Variants in MGAT5 observed in about 807,000 individuals in gnomAD.
MGAT5 encodes alpha-1,6-mannosylglycoprotein 6-beta-N-acetylglucosaminyltransferase A.
In MGAT5, 30 loss-of-function variants were observed where a neutral mutation model predicts 94.3. The ratio of observed to expected loss-of-function variants is 0.32; its 90% CI spans 0.24 to 0.43. The LOEUF (loss-of-function observed/expected upper bound fraction) is 0.43, where lower values mean the gene tolerates loss of function less well. Ranked by LOEUF, MGAT5 falls within the 20% of genes least tolerant of loss-of-function variation. The pLI is 1.00. For missense variants in MGAT5, 691 were observed against 905.5 expected (o/e 0.76, Z 3.04); for synonymous variants, 310 against 322.9 (o/e 0.96, Z 0.43).
chr2:134,362,489 C>T, intron 10 of MGAT5, 81 bp downstream of exon 10: 1 of 1,520,912 alleles, frequency 6.6e-7, no homozygotes, highest in Non-Finnish European at 9.0e-7. Context: ...AGGGAATAAT[C>T]AAGCCAAGTG....
intron 14 of MGAT5, among the ~76,000 whole-genome samples, chr2:134,438,495 A>G (rs1685297740): frequency 1.3e-5 from 2 of 152,206 alleles, no homozygotes; most frequent in Admixed American, 6.5e-5. Flanking sequence ...CTGTCTGATG[A>G]CAGCTGTCCC....
At chr2:134,192,999 G>A (rs1342652452) in intron 1 of MGAT5, among the ~76,000 whole-genome samples, 2 of 152,004 alleles carry the variant, frequency 1.3e-5, no homozygotes, top group Non-Finnish European at 1.5e-5. Flanking sequence ...TGGTTTTCCA[G>A]TATTTAATAA....
chr2:134,320,773 G>A (rs74487243), intron 4 of MGAT5, among the ~76,000 whole-genome samples: 3,373 of 152,232 alleles, frequency 0.022, 127 homozygotes, highest in African/African-American at 0.076. Context: ...CTTTGCCATA[G>A]GGTGATGGGG....
chr2:134,274,243 A>G (rs1420550687), intron 2 of MGAT5, among the ~76,000 whole-genome samples: 2 of 152,248 alleles, frequency 1.3e-5, no homozygotes, highest in African/African-American at 4.8e-5. Flanking sequence ...TATTGCTCAC[A>G]TGGATTGGTT....
chr2:134,363,356 C>T (rs1278574491), intron 10 of MGAT5, among the ~76,000 whole-genome samples: 1 of 152,174 alleles, frequency 6.6e-6, no homozygotes, highest in East Asian at 1.9e-4. Context: ...AAAGGAAAAG[C>T]AGTGCCCTAC....
chr2:134,239,822 C>T (rs983963568), intron 1 of MGAT5, among the ~76,000 whole-genome samples: 9 of 151,960 alleles, frequency 5.9e-5, no homozygotes, highest in African/African-American at 1.9e-4. Flanking sequence ...GATAAAAATA[C>T]ATTTACCATT....
At chr2:134,393,491 A>G (rs1034341509) in intron 10 of MGAT5, among the ~76,000 whole-genome samples, 14 of 152,128 alleles carry the variant, frequency 9.2e-5, no homozygotes, top group African/African-American at 2.9e-4. Context: ...TATTATAACA[A>G]TGAGAGCTTC....
chr2:134,290,680 T>C (rs939110728), intron 2 of MGAT5, among the ~76,000 whole-genome samples: 13 of 152,216 alleles, frequency 8.5e-5, no homozygotes, highest in Non-Finnish European at 1.8e-4. Flanking sequence ...CACAGTTGAT[T>C]GCTGTGACAG....
chr2:134,359,471 C>T (rs1427884335), intron 9 of MGAT5, among the ~76,000 whole-genome samples: 1 of 152,200 alleles, frequency 6.6e-6, no homozygotes, highest in Non-Finnish European at 1.5e-5. Context: ...ATGGAAGAGT[C>T]ACTATAATGC....
intron 2 of MGAT5, among the ~76,000 whole-genome samples, chr2:134,287,399 GAGAGTTTTTCTTTTTC>G (rs1322546176): frequency 2.6e-5 from 4 of 152,144 alleles, no homozygotes; most frequent in African/African-American, 7.2e-5. Flanking sequence ...TGTATCATCT[GAGAGTTTTTCTTTTTC>G]AGTTTGAGTT....
intron 8 of MGAT5, among the ~76,000 whole-genome samples, chr2:134,347,807 A>G (rs6707591): frequency 0.55 from 83,957 of 152,040 alleles, 25,777 homozygotes; most frequent in Non-Finnish European, 0.67. Flanking sequence ...TGTTGGAGTC[A>G]ATTGCCAATA....
At chr2:134,434,196 T>C (rs1685045204) in intron 14 of MGAT5, among the ~76,000 whole-genome samples, 1 of 152,222 alleles carries the variant, frequency 6.6e-6, no homozygotes, top group Non-Finnish European at 1.5e-5. Context: ...TCCCCTTCTC[T>C]GGCCCCTTCT....
intron 8 of MGAT5, among the ~76,000 whole-genome samples, chr2:134,345,884 G>C (rs185270179): frequency 6.6e-6 from 1 of 151,594 alleles, no homozygotes; most frequent in African/African-American, 2.4e-5. Flanking sequence ...GCTTTTTTTT[G>C]TTGTTATCTT....
At chr2:134,303,236 G>A (rs927963296) in intron 2 of MGAT5, among the ~76,000 whole-genome samples, 2 of 151,824 alleles carry the variant, frequency 1.3e-5, no homozygotes, top group African/African-American at 2.4e-5. Flanking sequence ...TATAATAACC[G>A]CTTTAAATTC....
intron 10 of MGAT5, among the ~76,000 whole-genome samples, chr2:134,363,742 T>C (rs965170934): frequency 1.4e-4 from 22 of 152,368 alleles, no homozygotes; most frequent in Non-Finnish European, 2.9e-4. Flanking sequence ...TACCATACTT[T>C]GTTGCCTCAA....
chr2:134,399,221 G>A (rs1250461152), intron 10 of MGAT5, among the ~76,000 whole-genome samples: 3 of 152,152 alleles, frequency 2.0e-5, no homozygotes, highest in Non-Finnish European at 4.4e-5. Flanking sequence ...TGTAAAATAA[G>A]TTGGGGAAAG....
At position 134,398,430 on chromosome 2, in the gene MGAT5, C is replaced by T. The variant is rs1052192350; in HGVS notation, c.1381-4558C>T. Reference sequence around the variant, plus strand: ...TCACCCTGGAGGAGCCAACTTTGGGCTGAGCTGCAGAATTTTTTAATGACA... The same window carrying T: ...TCACCCTGGAGGAGCCAACTTTGGGTTGAGCTGCAGAATTTTTTAATGACA... On this transcript the variant is annotated intron_variant, in intron 10 of 15. Coordinates refer to ENST00000281923, the MANE Select transcript of MGAT5 (RefSeq NM_002410.5). Among the ~76,000 whole-genome samples the T allele has an allele frequency of 2.6e-5, 4 of 152,286 alleles. No individual in the cohort carries two copies. The East Asian group carries it at 7.7e-4, about 29-fold the overall frequency.
intron 14 of MGAT5, among the ~76,000 whole-genome samples, chr2:134,438,100 A>T (rs891120059): frequency 6.6e-6 from 1 of 152,190 alleles, no homozygotes; most frequent in East Asian, 1.9e-4. Flanking sequence ...GCTGAGCACC[A>T]ACATGACACT....
intron 12 of MGAT5, among the ~76,000 whole-genome samples, chr2:134,413,527 C>A (rs751388754): frequency 6.6e-6 from 1 of 152,166 alleles, no homozygotes; most frequent in South Asian, 2.1e-4. Flanking sequence ...TTTGCAGAAG[C>A]CTCATTTGAA....
Sources: gnomAD v4.1 joint callset for allele counts (sites outside exome capture counted in the v4.1 genomes callset) on GRCh38, gnomAD v4.1.1 for gene constraint, MANE v1.5 for transcripts, NCBI Gene and HGNC (gene_info 2026-07-23, HGNC 2026-07-21) for gene names.